The following HOMER1 variants were observed in gnomAD, a reference collection of about 807,000 sequenced individuals.
The protein encoded by HOMER1 is homer protein homolog 1.
In HOMER1, 3 loss-of-function variants were observed where a neutral mutation model predicts 48.9. The ratio of observed to expected loss-of-function variants is 0.06; its 90% CI spans 0.03 to 0.16. The LOEUF (loss-of-function observed/expected upper bound fraction) is 0.16, where lower values mean the gene tolerates loss of function less well. HOMER1 is among the 10% of genes least tolerant of loss of function. The probability of loss-of-function intolerance (pLI) is 1.00; values close to 1 mark genes in which losing one functional copy is unlikely to be tolerated. For missense variants in HOMER1, 247 were observed against 411.4 expected (o/e 0.60, Z 3.46); for synonymous variants, 134 against 146.4 (o/e 0.92, Z 0.61).
chr5:79,493,519 T>C (rs1752344207), intron 1 of HOMER1, among the ~76,000 whole-genome samples: 1 of 152,196 alleles, frequency 6.6e-6, no homozygotes, highest in African/African-American at 2.4e-5. Flanking sequence ...AGGTAATCAA[T>C]GAATGTTTGT....
chr5:79,377,491 G>C (rs1748806404), intron 8 of HOMER1, among the ~76,000 whole-genome samples: 1 of 152,154 alleles, frequency 6.6e-6, no homozygotes, highest in African/African-American at 2.4e-5. Flanking sequence ...ACATTTGAGA[G>C]AAACTAAGTG....
At chr5:79,421,002 A>G (rs1336958678) in intron 5 of HOMER1, among the ~76,000 whole-genome samples, 5 of 152,206 alleles carry the variant, frequency 3.3e-5, no homozygotes, top group African/African-American at 1.2e-4. Context: ...ATATGATTAT[A>G]TATGTATACA....
At chr5:79,393,812 C>T (rs1193093476) in intron 8 of HOMER1, among the ~76,000 whole-genome samples, 1 of 152,000 alleles carries the variant, frequency 6.6e-6, no homozygotes, top group African/African-American at 2.4e-5. Context: ...ACTATGATAC[C>T]TCTATATGGG....
At chr5:79,478,693 T>C (rs1751857679) in intron 1 of HOMER1, among the ~76,000 whole-genome samples, 1 of 152,166 alleles carries the variant, frequency 6.6e-6, no homozygotes, top group African/African-American at 2.4e-5. Flanking sequence ...GGCTCATGCC[T>C]GTAATCCCAG....
chr5:79,439,130 A>C lies in HOMER1; in HGVS notation c.407T>G (p.Leu136Arg). 6.2e-7 allele frequency: 1 copy of C among 1,614,026 alleles called. No homozygotes were observed. The highest frequency in any genetic ancestry group is 8.5e-7 in the Non-Finnish European group (1 of 1,179,958). ...TPSQESAGGD[L>R]QSPLTPESIN... ...ACTTTCCGGTGTTAAAGGAGACTGA[A>C]GATCCCCGCCTGCGGATTCCTTTAA... Residue 136 changes from leucine to arginine, a missense_variant, in exon 5 of 9, where the codon CTT becomes CGT. This residue lies in a region of HOMER1 where 94 missense variants were observed against 112.4 expected (regional missense o/e 0.84). Coordinates refer to ENST00000334082, the MANE Select transcript of HOMER1 (RefSeq NM_004272.5).
chr5:79,456,738 A>G (rs1751186923), intron 2 of HOMER1, 124 bp downstream of exon 2: 4 of 856,586 alleles, frequency 4.7e-6, no homozygotes, highest in Non-Finnish European at 7.0e-6. Context: ...TTGTTTCTTA[A>G]AAGTTTTAAG....
chr5:79,438,128 C>G (rs368757320), intron 5 of HOMER1, among the ~76,000 whole-genome samples: 1 of 152,292 alleles, frequency 6.6e-6, no homozygotes, highest in African/African-American at 2.4e-5. Context: ...TGAAGAGTAT[C>G]TCACTTCAAT....
chr5:79,416,451 G>C (rs1341887352), intron 5 of HOMER1, among the ~76,000 whole-genome samples: 1 of 152,196 alleles, frequency 6.6e-6, no homozygotes, highest in African/African-American at 2.4e-5. Flanking sequence ...TTTGATTTGA[G>C]AGAGCACAGC....
At chr5:79,499,477 A>G (rs530689610) in intron 1 of HOMER1, among the ~76,000 whole-genome samples, 10 of 151,872 alleles carry the variant, frequency 6.6e-5, no homozygotes, top group African/African-American at 1.9e-4. Context: ...ATTTTTTTCA[A>G]TAAATATATT....
intron 4 of HOMER1, among the ~76,000 whole-genome samples, chr5:79,441,419 A>C (rs544003074): frequency 1.6e-4 from 25 of 152,248 alleles, no homozygotes; most frequent in African/African-American, 5.3e-4. Context: ...GGAGGCTACA[A>C]ATGTTAATGC....
At chr5:79,406,462 C>T (rs769360832) in intron 5 of HOMER1, among the ~76,000 whole-genome samples, 3 of 152,128 alleles carry the variant, frequency 2.0e-5, no homozygotes, top group Non-Finnish European at 4.4e-5. Context: ...GAATTTGTAC[C>T]GTCTTGCAGG....
intron 5 of HOMER1, among the ~76,000 whole-genome samples, chr5:79,417,265 C>T (rs1303137551): frequency 6.6e-6 from 1 of 152,112 alleles, no homozygotes; most frequent in Non-Finnish European, 1.5e-5. Flanking sequence ...GCCTCAGCCT[C>T]CTGAGTAGCT....
chr5:79,443,204 G>C (rs1750785727), intron 4 of HOMER1, among the ~76,000 whole-genome samples: 1 of 152,180 alleles, frequency 6.6e-6, no homozygotes, highest in African/African-American at 2.4e-5. Context: ...CAAAACTAGA[G>C]TGGTAATTTT....
chr5:79,501,366 G>T (rs1307119003), intron 1 of HOMER1, among the ~76,000 whole-genome samples: 1 of 152,166 alleles, frequency 6.6e-6, no homozygotes, highest in African/African-American at 2.4e-5. Context: ...TTAATCAACT[G>T]TTTATGTTAT....
intron 8 of HOMER1, among the ~76,000 whole-genome samples, chr5:79,387,948 A>G (rs909058405): frequency 2.0e-5 from 3 of 152,194 alleles, no homozygotes; most frequent in Non-Finnish European, 4.4e-5. Context: ...TATAAGCACC[A>G]ATTTCCAGCA....
chr5:79,413,799 A>G (rs1447197986), intron 5 of HOMER1, among the ~76,000 whole-genome samples: 2 of 152,140 alleles, frequency 1.3e-5, no homozygotes, highest in African/African-American at 4.8e-5. Context: ...AACTAATGAC[A>G]TCTTCAACAG....
chr5:79,400,147 T>C (rs1469683809), intron 6 of HOMER1, among the ~76,000 whole-genome samples: 2 of 152,118 alleles, frequency 1.3e-5, no homozygotes, highest in African/African-American at 2.4e-5. Flanking sequence ...TTTAAGTGTA[T>C]AGTTCAATAG....
At chr5:79,383,214 G>T (rs1749025316) in intron 8 of HOMER1, among the ~76,000 whole-genome samples, 1 of 152,000 alleles carries the variant, frequency 6.6e-6, no homozygotes, top group Non-Finnish European at 1.5e-5. Flanking sequence ...AATTCATAAA[G>T]TAAATATTAC....
At chr5:79,461,574 C>T (rs1009935014) in intron 1 of HOMER1, among the ~76,000 whole-genome samples, 15 of 152,216 alleles carry the variant, frequency 9.9e-5, no homozygotes, top group African/African-American at 3.4e-4. Flanking sequence ...GTAAAGAAAC[C>T]AATCTAACAC....
Sources: allele counts gnomAD v4.1 joint callset (sites outside exome capture counted in the v4.1 genomes callset), GRCh38; gene constraint gnomAD v4.1.1; regional missense constraint gnomAD v4.1.1; transcripts MANE v1.5; gene names NCBI Gene and HGNC (gene_info 2026-07-23, HGNC 2026-07-21).